Variants in DIDO1 observed in about 807,000 individuals in gnomAD.
DIDO1 encodes the protein death inducer-obliterator 1, also known as death-inducer obliterator 1.
DIDO1 carries 16 observed loss-of-function variants against 99.4 expected under a neutral mutation model. The observed-to-expected ratio is 0.16, with a 90% CI of 0.11 to 0.24. The LOEUF is 0.24. Ranked by LOEUF, DIDO1 falls within the 10% of genes least tolerant of loss-of-function variation. The pLI, the probability that DIDO1 is intolerant of heterozygous loss-of-function variation, is 1.00. For missense variants in DIDO1, 2,996 were observed against 3,014.0 expected (o/e 0.99, Z 0.14); for synonymous variants, 1,366 against 1,239.1 (o/e 1.10, Z -2.15).
At chr20:62,887,078 C>T in intron 15 of DIDO1, 1 of 980,892 alleles carries the variant, frequency 1.0e-6, no homozygotes, top group Non-Finnish European at 1.2e-6. Context: ...ACTGCGTCCT[C>T]TCCAGCAGCT....
chr20:62,907,968 A>G (rs970630323), intron 4 of DIDO1, among the ~76,000 whole-genome samples: 1 of 152,056 alleles, frequency 6.6e-6, no homozygotes, highest in African/African-American at 2.4e-5. Context: ...TGCCCCCCAA[A>G]TTGCATGAAA....
intron 15 of DIDO1, among the ~76,000 whole-genome samples, chr20:62,883,653 C>T (rs936605502): frequency 2.2e-4 from 33 of 152,276 alleles, no homozygotes; most frequent in Admixed American, 1.0e-3. Context: ...GGTGAAACCC[C>T]GTCTCTACTA....
intron 1 of DIDO1, among the ~76,000 whole-genome samples, chr20:62,926,231 G>C (rs1163463709): frequency 6.7e-6 from 1 of 148,342 alleles, no homozygotes; most frequent in Non-Finnish European, 1.5e-5. Flanking sequence ...CCCAGGCCGC[G>C]GCGGCTCTGA....
Position 62,880,495 on chromosome 20 carries a change from C to T in DIDO1, c.5461G>A (p.Gly1821Arg). 1 of 1,613,014 alleles carries T rather than the reference C, an allele frequency of 6.2e-7. No individual in the cohort carries two copies. Among genetic ancestry groups the T allele is most frequent in the Non-Finnish European group, 8.5e-7 (1 of 1,179,998 alleles). ...FSGQHGPPPY[G>R]DSRGPSPSYL... The stretch of plus-strand genomic sequence containing the variant: ...GAGGGTGAGGGGCCTCTGCTGTCCC[C>T]ATAAGGAGGTGGCCCATGTTGCCCC... The change falls in exon 16 of 16, where the codon GGG becomes AGG. Residue 1821 changes from glycine to arginine, a missense_variant. By Grantham distance (125) the Gly-to-Arg change is moderately radical (BLOSUM62 -2). Around this residue, in one of 5 missense-constraint regions of DIDO1, gnomAD observed 1,562 missense variants for 1,412.6 expected, o/e 1.11. Transcript: ENST00000395343.
chr20:62,926,479 G>C lies in DIDO1; in HGVS notation c.-240C>G, dbSNP rs2065258430. ...TCTCGCAGCCATTTCCCCGAACGCCGCGGAGTGGGCGGACGGCCACCGAGA... is the reference window on the plus strand; with the variant it reads ...TCTCGCAGCCATTTCCCCGAACGCCCCGGAGTGGGCGGACGGCCACCGAGA... On this transcript the variant is annotated 5_prime_UTR_variant, in exon 1 of 16. Coordinates refer to ENST00000395343, the MANE Select transcript of DIDO1 (RefSeq NM_001193369.2). 6.6e-6 allele frequency: 1 copy of C among 151,504 alleles called. No homozygotes were observed. The highest frequency in any genetic ancestry group is 2.4e-5 in the African/African-American group (1 of 41,234). The allele number at this position is 151,504 out of a possible 1,614,324, so 9.4% of individuals were successfully genotyped here.
chr20:62,937,799 C>T (rs925186553), exon 1 of DIDO1: 1 of 398,274 alleles, frequency 2.5e-6, no homozygotes, highest in Non-Finnish European at 4.4e-6. Flanking sequence ...CTGGGACCTT[C>T]GCCTCCGACT....
intron 1 of DIDO1, among the ~76,000 whole-genome samples, chr20:62,916,630 C>T (rs1326211984): frequency 6.6e-6 from 1 of 152,094 alleles, no homozygotes; most frequent in Non-Finnish European, 1.5e-5. Flanking sequence ...TACATTTTTG[C>T]AAATTTCTGG....
rs1441965124 is a variant in DIDO1 at position 62,894,223 on chromosome 20, G to C, written c.2573-29C>G. 3 of 1,601,822 alleles carry C rather than the reference G, an allele frequency of 1.9e-6. No individual in the cohort carries two copies. Among genetic ancestry groups the C allele is most frequent in the South Asian group, 1.1e-5 (1 of 90,622 alleles). On this transcript the variant is annotated intron_variant, in intron 11 of 15. Coordinates refer to ENST00000395343, the MANE Select transcript of DIDO1 (RefSeq NM_001193369.2). The surrounding 1 kb of genome is among the most constrained non-coding windows in gnomAD (Gnocchi z 4.4). ...AAGAAGGCGAGGAAAGGCTCTGTGA[G>C]AAACCCAGCCGGCACACTGGTGTTT...
intron 1 of DIDO1, among the ~76,000 whole-genome samples, chr20:62,925,750 T>A (rs947847292): frequency 2.6e-5 from 4 of 152,124 alleles, no homozygotes; most frequent in Admixed American, 6.5e-5. Flanking sequence ...AGCGGGCCCT[T>A]TCGGCTTCCG....
intron 14 of DIDO1, among the ~76,000 whole-genome samples, chr20:62,891,762 CT>C (rs5842402): frequency 0.42 from 62,355 of 148,472 alleles, 14,308 homozygotes; most frequent in African/African-American, 0.65. Context: ...ACTATGTAAA[CT>C]TTTTTTTTTT....
chr20:62,879,432 C>G lies in DIDO1; in HGVS notation c.6524G>C (p.Arg2175Pro), dbSNP rs551196905. The G allele has an allele frequency of 6.5e-7, 1 of 1,546,732 alleles. No individual in the cohort carries two copies. Among genetic ancestry groups the G allele is most frequent in the Non-Finnish European group, 8.7e-7 (1 of 1,151,444 alleles). The change falls in exon 16 of 16, where the codon CGG becomes CCG. Residue 2175 changes from arginine to proline, a missense_variant. Physicochemically the swap from Arg to Pro is moderately radical, Grantham distance 103. Around this residue, in one of 5 missense-constraint regions of DIDO1, gnomAD observed 1,562 missense variants for 1,412.6 expected, o/e 1.11. Coordinates refer to ENST00000395343, the MANE Select transcript of DIDO1 (RefSeq NM_001193369.2). The surrounding 1 kb of genome is among the most constrained non-coding windows in gnomAD (Gnocchi z 6.3). The part of the protein sequence containing the change: ...RGKEWDRSRE[R>P]SRNRERERDR... ...TCGCTCGCGCTCTCGGTTCCTGCTC[C>G]GCTCCCGGCTGCGGTCCCACTCCTT...
chr20:62,892,112 C>A (rs539256893), intron 13 of DIDO1, 36 bp from the exon 14 acceptor site: 1 of 1,571,390 alleles, frequency 6.4e-7, no homozygotes, highest in South Asian at 1.2e-5. Flanking sequence ...TCACTTTGAA[C>A]TGTAGTAGTC....
chr20:62,905,697 C>G lies in DIDO1; in HGVS notation c.1588+190G>C. On this transcript the variant is annotated intron_variant, in intron 6 of 15. Transcript: ENST00000395343. Reference sequence around the variant, plus strand: ...GGAAAACAGTGACAGGAAGTCCTGACAGACTAGGGATGGACACAGGGCAGC... The same window carrying G: ...GGAAAACAGTGACAGGAAGTCCTGAGAGACTAGGGATGGACACAGGGCAGC... 3 of 1,609,232 alleles carry G rather than the reference C, an allele frequency of 1.9e-6. No individual in the cohort carries two copies. In the Admixed American group the frequency reaches 5.0e-5, roughly 27 times the overall value.
chr20:62,910,924 C>T lies in DIDO1; in HGVS notation c.689G>A (p.Gly230Glu), dbSNP rs2064919267. The T allele has an allele frequency of 1.2e-6, 2 of 1,614,170 alleles. No homozygotes were observed. The highest frequency in any genetic ancestry group is 1.3e-5 in the African/African-American group (1 of 75,036). Residue 230 changes from glycine (G) to glutamate (E), a missense_variant, in exon 3 of 16, where the codon GGG becomes GAG. Around this residue, in one of 5 missense-constraint regions of DIDO1, gnomAD observed 388 missense variants for 376.6 expected, o/e 1.03. Transcript: ENST00000395343. ...CAACTTACTCTCTCTGTCATCTTTC[C>T]CAGCCTGGGACACAACCCCCTGATC... ...ENDQGVVSQA[G>E]KDDRESKLEG...
intron 1 of DIDO1, among the ~76,000 whole-genome samples, chr20:62,926,204 G>A (rs1168955719): frequency 6.6e-6 from 1 of 151,804 alleles, no homozygotes; most frequent in Non-Finnish European, 1.5e-5. Flanking sequence ...ACCAGGGCCG[G>A]CGTCTGAGGC....
At chr20:62,913,132 C>T (rs189136571) in intron 2 of DIDO1, among the ~76,000 whole-genome samples, 1 of 152,346 alleles carries the variant, frequency 6.6e-6, no homozygotes, top group East Asian at 1.9e-4. Context: ...TCTCATTTTC[C>T]TGTCCAGCTA....
chr20:62,908,449 G>C (rs2064854672), intron 4 of DIDO1, among the ~76,000 whole-genome samples: 1 of 152,166 alleles, frequency 6.6e-6, no homozygotes, highest in South Asian at 2.1e-4. Context: ...GCTCCTTCAA[G>C]CCAGGACTGC....
Position 62,924,900 on chromosome 20 carries a change from C to T in DIDO1, c.-200+1539G>A, listed in dbSNP as rs191552096. Among the ~76,000 whole-genome samples, 10 of 152,230 alleles carry T rather than the reference C, an allele frequency of 6.6e-5. No homozygotes were observed. The East Asian group carries it at 1.2e-3, about 18-fold the overall frequency. The stretch of plus-strand genomic sequence containing the variant: ...GGAAAGCCTGAAAAAATTCAAGATA[C>T]GCGCTTTTCCAAAACAAGAGGTATC... On this transcript the variant is annotated intron_variant, in intron 1 of 15. Transcript: ENST00000395343.
rs780361881 is a variant in DIDO1, at chr20:62,910,034, A to G, written c.840-14T>C. 3.1e-6 allele frequency: 5 copies of G among 1,598,162 alleles called. No individual in the cohort carries two copies. Among genetic ancestry groups the G allele is most frequent in the Non-Finnish European group, 4.3e-6 (5 of 1,174,826 alleles). On this transcript the variant is annotated splice_polypyrimidine_tract_variant and intron_variant, in intron 3 of 15. Transcript: ENST00000395343. Reference sequence around the variant, plus strand: ...CAAATCATAAACCTGAAATTATAAAATAACGGTATTAGCAATGGGACGTGA... The same window carrying G: ...CAAATCATAAACCTGAAATTATAAAGTAACGGTATTAGCAATGGGACGTGA...
Sources: allele counts gnomAD v4.1 joint callset (sites outside exome capture counted in the v4.1 genomes callset), GRCh38; gene constraint gnomAD v4.1.1; regional missense constraint gnomAD v4.1.1; non-coding constraint Gnocchi (gnomAD v3.1); transcripts MANE v1.5; gene names NCBI Gene and HGNC (gene_info 2026-07-23, HGNC 2026-07-21).